The following BRD4 variants were observed in gnomAD, a reference collection of about 807,000 sequenced individuals.
The protein encoded by BRD4 is bromodomain-containing protein 4.
Under a neutral mutation model 142.1 loss-of-function variants are expected in BRD4, and 16 were observed. The observed-to-expected ratio is 0.11, with a 90% CI of 0.08 to 0.17. The LOEUF is 0.17. Among genes scored for constraint, BRD4 ranks in the 10% least tolerant of loss-of-function variants. The probability of loss-of-function intolerance (pLI) is 1.00; values close to 1 mark genes in which losing one functional copy is unlikely to be tolerated. For synonymous variants in BRD4, 833 were observed against 707.5 expected, an observed-to-expected ratio of 1.18 and a Z score of -2.82; for missense variants, 1,424 against 1,810.9, an observed-to-expected ratio of 0.79 and a Z score of 3.88.
intron 1 of BRD4, among the ~76,000 whole-genome samples, chr19:15,326,798 T>C (rs185129621): frequency 6.6e-6 from 1 of 152,324 alleles, no homozygotes; most frequent in East Asian, 1.9e-4. Flanking sequence ...CCTCTGCTTC[T>C]TCAGAGTGGA....
chr19:15,309,097 G>T (rs903258699), intron 1 of BRD4, among the ~76,000 whole-genome samples: 1 of 151,992 alleles, frequency 6.6e-6, no homozygotes, highest in African/African-American at 2.4e-5. Context: ...AGCACTTTGG[G>T]AGGCTGAGGC....
intron 1 of BRD4, among the ~76,000 whole-genome samples, chr19:15,330,424 A>T (rs971781566): frequency 6.6e-6 from 1 of 152,198 alleles, no homozygotes; most frequent in African/African-American, 2.4e-5. Context: ...AGATAAAAAG[A>T]TAAAAAACAT....
rs1389135676 is a variant in BRD4 at position 15,304,506 on chromosome 19, C to T, written c.-35+27784G>A. On this transcript the variant is annotated intron_variant, in intron 1 of 19. Transcript: ENST00000679869. ...ACTGACTGAGCACCTGCCTGCTATA[C>T]ATTTTCCAGGCCGCCAGTGCCCTGC... Among the ~76,000 whole-genome samples, 4 of 152,220 alleles carry T rather than the reference C, an allele frequency of 2.6e-5. No individual in the cohort carries two copies. The South Asian group carries it at 6.2e-4, about 24-fold the overall frequency.
intron 1 of BRD4, among the ~76,000 whole-genome samples, chr19:15,309,766 C>G (rs1399067590): frequency 5.9e-5 from 9 of 152,270 alleles, no homozygotes; most frequent in African/African-American, 2.2e-4. Flanking sequence ...TCTCAAGGAG[C>G]AAACCGGGTA....
At chr19:15,282,395 T>C (rs536950402) in intron 1 of BRD4, among the ~76,000 whole-genome samples, 1 of 152,354 alleles carries the variant, frequency 6.6e-6, no homozygotes, top group South Asian at 2.1e-4. Context: ...ACCCACAGAA[T>C]GAAGCCAGAG....
intron 1 of BRD4, among the ~76,000 whole-genome samples, chr19:15,287,552 C>T (rs557974343): frequency 1.1e-4 from 17 of 152,036 alleles, no homozygotes; most frequent in African/African-American, 2.9e-4. Context: ...CGTTTCAGAA[C>T]GCTTTCACCT....
chr19:15,256,428 T>C (rs2047409598), intron 8 of BRD4, among the ~76,000 whole-genome samples, 165 bp from the exon 9 acceptor site: 1 of 152,228 alleles, frequency 6.6e-6, no homozygotes, highest in Admixed American at 6.5e-5. Context: ...TTTGCGCCTG[T>C]CATGTTAACC....
In BRD4 at chr19:15,245,163, A is replaced by G. The variant is rs1350065944; in HGVS notation, c.2159-401T>C. 4.6e-5 allele frequency among the ~76,000 whole-genome samples: 7 copies of G among 152,158 alleles called. No homozygotes were observed. The East Asian group carries it at 9.7e-4, about 21-fold the overall frequency. On this transcript the variant is annotated intron_variant, in intron 11 of 19. Transcript: ENST00000679869. ...AACCTGTGATGGTTGCAATGGTCAC[A>G]TTCATCTTACAGCTGAGAAAAGTGG...
chr19:15,307,886 G>A (rs575094390), intron 1 of BRD4, among the ~76,000 whole-genome samples: 3 of 152,118 alleles, frequency 2.0e-5, no homozygotes, highest in African/African-American at 2.4e-5. Context: ...AGGCCCTGGC[G>A]GGCGGATCGC....
intron 1 of BRD4, among the ~76,000 whole-genome samples, chr19:15,307,919 A>C (rs748105913): frequency 2.0e-5 from 3 of 151,636 alleles, no homozygotes; most frequent in Non-Finnish European, 4.4e-5. Flanking sequence ...GTTCGAGACC[A>C]GCCTGGCCAA....
At chr19:15,250,426 G>A (rs1028747988) in intron 11 of BRD4, among the ~76,000 whole-genome samples, 3 of 152,232 alleles carry the variant, frequency 2.0e-5, no homozygotes, top group Admixed American at 6.5e-5. Context: ...GGCTGGTTGT[G>A]TGGTAAGAAC....
At chr19:15,330,368 A>G (rs2048146448) in intron 1 of BRD4, among the ~76,000 whole-genome samples, 1 of 152,218 alleles carries the variant, frequency 6.6e-6, no homozygotes, top group Non-Finnish European at 1.5e-5. Flanking sequence ...CCCTGGCTGA[A>G]GTTTTTGGGG....
At chr19:15,264,255 C>T (rs1230252977) in intron 6 of BRD4, 149 bp downstream of exon 6, 11 of 1,069,166 alleles carry the variant, frequency 1.0e-5, no homozygotes, top group African/African-American at 1.6e-5. Flanking sequence ...CAGCAGGGGG[C>T]GCTGAGTTTC....
rs367947453 is a variant in BRD4, at chr19:15,259,093, G to A, written c.1342-1920C>T. 9.9e-5 allele frequency among the ~76,000 whole-genome samples: 15 copies of A among 151,430 alleles called. No homozygotes were observed. The South Asian group carries it at 2.3e-3, about 23-fold the overall frequency. On this transcript the variant is annotated intron_variant, in intron 7 of 19. Transcript: ENST00000679869. The stretch of plus-strand genomic sequence containing the variant: ...CCCTAGCCCTGCAGCACCCGGCTAC[G>A]TGGCAGGTGGGTAGTGCCCTGGATG...
chr19:15,303,250 A>T lies in BRD4; in HGVS notation c.-35+29040T>A, dbSNP rs147563473. 8.2e-3 allele frequency among the ~76,000 whole-genome samples: 1,244 copies of T among 152,338 alleles called. 7 individuals are homozygous for T. The highest frequency in any genetic ancestry group is 0.013 in the Non-Finnish European group (856 of 68,042). ...TAGCTATTCAAGAGTGTTTATGTAC[A>T]GACAGTTAATCTTGAGAAATCCAAA... On this transcript the variant is annotated intron_variant, in intron 1 of 19. Transcript: ENST00000679869.
chr19:15,264,724 T>C lies in BRD4; in HGVS notation c.892A>G (p.Thr298Ala), dbSNP rs370032426. The stretch of plus-strand genomic sequence containing the variant: ...GGCTCGTGAATGGGGTCAATGGTGG[T>C]GGGGGTGGTGGTGTCTGCTTTCCTC... Reference protein sequence around the residue: ...VKRKADTTTPTTIDPIHEPPS... With the variant: ...VKRKADTTTPATIDPIHEPPS... Residue 298 changes from threonine to alanine, a missense_variant, in exon 6 of 20, where the codon ACC becomes GCC. Thr to Ala is a moderately conservative substitution (Grantham distance 58). This residue lies in a region of BRD4 where 86 missense variants were observed against 79.9 expected (regional missense o/e 1.08). Transcript: ENST00000679869. 1.9e-6 allele frequency: 3 copies of C among 1,611,400 alleles called. No individual in the cohort carries two copies. Among genetic ancestry groups the C allele is most frequent in the Non-Finnish European group, 2.5e-6 (3 of 1,179,142 alleles).
At chr19:15,303,822 GTTT>G (rs1399361288) in intron 1 of BRD4, among the ~76,000 whole-genome samples, 1 of 152,154 alleles carries the variant, frequency 6.6e-6, no homozygotes, top group Admixed American at 6.5e-5. Flanking sequence ...GATGTTTCCA[GTTT>G]TTTAAGTATC....
rs773962633 is a variant in BRD4 at position 15,238,884 on chromosome 19, TTGCTCCTGGCGCTGCTGCTGCTGC to T, written c.3855_3878del (p.Arg1290_Gln1297del). 18 of 1,598,134 alleles carry T rather than the reference TTGCTCCTGGCGCTGCTGCTGCTGC, an allele frequency of 1.1e-5. No individual in the cohort carries two copies. The highest frequency in any genetic ancestry group is 3.4e-5 in the South Asian group (3 of 89,112). On this transcript the variant is annotated inframe_deletion, in exon 19 of 20. Transcript: ENST00000679869. This position sits in a 1 kb window ranked among gnomAD's most constrained non-coding sequence, Gnocchi z 7.2. ...CTGCTTGCTGTTGCTGCTGCTGCTG[TTGCTCCTGGCGCTGCTGCTGCTGC>T]TGCTCCTGGCGCCGACGTGCCTCCT...
chr19:15,329,111 T>C (rs969946766), intron 1 of BRD4, among the ~76,000 whole-genome samples: 1 of 151,900 alleles, frequency 6.6e-6, no homozygotes, highest in Non-Finnish European at 1.5e-5. Flanking sequence ...CAAGGAAATT[T>C]TATCTTTCCA....
Sources: allele counts gnomAD v4.1 joint callset (sites outside exome capture counted in the v4.1 genomes callset), GRCh38; gene constraint gnomAD v4.1.1; regional missense constraint gnomAD v4.1.1; non-coding constraint Gnocchi (gnomAD v3.1); transcripts MANE v1.5; gene names NCBI Gene and HGNC (gene_info 2026-07-23, HGNC 2026-07-21).